Variants in ITGA1 observed in about 807,000 individuals in gnomAD.
The protein encoded by ITGA1 is integrin subunit alpha 1.
A neutral mutation model predicts 145.9 loss-of-function variants in ITGA1; 85 were observed. That is an observed-to-expected ratio of 0.58 (90% confidence interval 0.49 to 0.70). The LOEUF (loss-of-function observed/expected upper bound fraction) is 0.70. Among genes scored for constraint, ITGA1 ranks in the 30% least tolerant of loss-of-function variants. The pLI is 0.00. For missense variants in ITGA1, 1,351 were observed against 1,418.7 expected, an observed-to-expected ratio of 0.95 and a Z score of 0.77; for synonymous variants, 520 against 495.3, an observed-to-expected ratio of 1.05 and a Z score of -0.66.
chr5:52,789,771 T>G (rs1350040835), intron 1 of ITGA1, among the ~76,000 whole-genome samples: 1 of 152,248 alleles, frequency 6.6e-6, no homozygotes, highest in African/African-American at 2.4e-5. Flanking sequence ...CTGAATACAG[T>G]AGTTTACTAT....
At chr5:52,899,308 G>C (rs997272777) in intron 11 of ITGA1, among the ~76,000 whole-genome samples, 1 of 152,152 alleles carries the variant, frequency 6.6e-6, no homozygotes, top group Non-Finnish European at 1.5e-5. Flanking sequence ...CAGGAAGGTG[G>C]CAGGTCTTTA....
chr5:52,905,929 T>C, intron 12 of ITGA1, 21 bp downstream of exon 12: 1 of 1,597,612 alleles, frequency 6.3e-7, no homozygotes, highest in Non-Finnish European at 8.6e-7. Context: ...AAAATATTCT[T>C]TTATTTAAAT....
At position 52,861,429 on chromosome 5, in the gene ITGA1, G is replaced by C; in HGVS notation, c.183-18G>C. 2.7e-6 allele frequency: 4 copies of C among 1,490,502 alleles called. No individual in the cohort carries two copies. The highest frequency in any genetic ancestry group is 3.7e-6 in the Non-Finnish European group (4 of 1,072,448). The allele number at this position is 1,490,502 out of a possible 1,614,324, so 92.3% of individuals were successfully genotyped here. ...TTCTCAATGTTCAAAAATGTTTACT[G>C]ATTTATTTAACTTCCAGGGTGCTTA... On this transcript the variant is annotated intron_variant, in intron 2 of 28. Coordinates refer to ENST00000282588, the MANE Select transcript of ITGA1 (RefSeq NM_181501.2).
intron 8 of ITGA1, among the ~76,000 whole-genome samples, chr5:52,890,532 G>A (rs1379409026): frequency 6.6e-6 from 1 of 152,162 alleles, no homozygotes; most frequent in Non-Finnish European, 1.5e-5. Context: ...TCAAGATATA[G>A]AGCAATTTCA....
chr5:52,894,571 C>A (rs1053036924), intron 9 of ITGA1, among the ~76,000 whole-genome samples: 1 of 152,120 alleles, frequency 6.6e-6, no homozygotes, highest in Non-Finnish European at 1.5e-5. Context: ...GGCAAAGCTT[C>A]TTTCTTCACA....
At chr5:52,942,915 CT>C (rs1751076421) in intron 26 of ITGA1, among the ~76,000 whole-genome samples, 1 of 152,044 alleles carries the variant, frequency 6.6e-6, no homozygotes, top group South Asian at 2.1e-4. Flanking sequence ...TTTTGTACCC[CT>C]ATTTTATATT....
Position 52,881,096 on chromosome 5 carries a change from A to G in ITGA1, c.625-777A>G, listed in dbSNP as rs530521328. ...AATGAAAGGAGGAAGGCAGTAGGAA[A>G]GGAAGACAAAACAAGGAAAGAAGGT... On this transcript the variant is annotated intron_variant, in intron 6 of 28. Coordinates refer to ENST00000282588, the MANE Select transcript of ITGA1 (RefSeq NM_181501.2). Among the ~76,000 whole-genome samples, 413 of 152,324 alleles carry G rather than the reference A, an allele frequency of 2.7e-3. 1 individual carries two copies. The highest frequency in any genetic ancestry group is 9.2e-3 in the African/African-American group (382 of 41,570).
intron 6 of ITGA1, among the ~76,000 whole-genome samples, chr5:52,871,777 G>A (rs1386962973): frequency 6.6e-6 from 1 of 152,108 alleles, no homozygotes; most frequent in East Asian, 1.9e-4. Context: ...GCCCAATTAA[G>A]ACTTTTGCAA....
chr5:52,831,289 C>T (rs930053153), intron 1 of ITGA1, among the ~76,000 whole-genome samples: 2 of 152,008 alleles, frequency 1.3e-5, no homozygotes, highest in African/African-American at 4.8e-5. Flanking sequence ...TGCACCACCA[C>T]ACCTCGGCTA....
At chr5:52,814,740 G>T (rs577977140) in intron 1 of ITGA1, among the ~76,000 whole-genome samples, 3 of 151,798 alleles carry the variant, frequency 2.0e-5, no homozygotes, top group East Asian at 1.9e-4. Flanking sequence ...AAAAAAAAAG[G>T]GGGGGAAAGA....
rs759141937 is a variant in ITGA1, at chr5:52,849,361, A to G, written c.62-4A>G. The G allele has an allele frequency of 3.8e-6, 6 of 1,594,798 alleles. No individual in the cohort carries two copies. In the East Asian group the frequency reaches 1.3e-4, roughly 36 times the overall value. ...TGTAACTGGATTTTGTTTTTCTCCT[A>G]AAGTTGTTCTACGCTGCTGCGTATC... On this transcript the variant is annotated splice_polypyrimidine_tract_variant and splice_region_variant and intron_variant, in intron 1 of 28. Transcript: ENST00000282588.
Position 52,920,387 on chromosome 5 carries a change from C to T in ITGA1, c.2211C>T (p.Phe737=), listed in dbSNP as rs78974803. 1.9e-3 allele frequency: 3,107 copies of T among 1,612,062 alleles called. 89 individuals carry two copies. In the East Asian group the frequency reaches 0.059, roughly 30 times the overall value. Residue 737 remains phenylalanine, a synonymous_variant, in exon 17 of 29, where the codon TTC becomes TTT. Transcript: ENST00000282588. ...TAAGACAAATATCACGAAGTTTTTT[C>T]TCTGGAACTCAAGAGAGAAAGGTTC... ...DSLRQISRSF[F]SGTQERKVQR...
chr5:52,850,962 A>T (rs1455416242), intron 2 of ITGA1, among the ~76,000 whole-genome samples: 1 of 152,230 alleles, frequency 6.6e-6, no homozygotes. Context: ...CTTTGTGCGT[A>T]AGCTATAATA....
chr5:52,885,086 G>T (rs1313639468), intron 7 of ITGA1, among the ~76,000 whole-genome samples: 1 of 152,120 alleles, frequency 6.6e-6, no homozygotes, highest in East Asian at 1.9e-4. Flanking sequence ...TACAACTCAG[G>T]AACAGCAAGA....
intron 7 of ITGA1, among the ~76,000 whole-genome samples, chr5:52,886,384 C>A (rs1313744608): frequency 1.3e-5 from 2 of 152,152 alleles, no homozygotes; most frequent in African/African-American, 4.8e-5. Context: ...TTAAAGATAT[C>A]AGTTATGGTA....
chr5:52,893,801 A>G lies in ITGA1; in HGVS notation c.1051A>G (p.Ile351Val). 3 of 1,612,642 alleles carry G rather than the reference A, an allele frequency of 1.9e-6. No individual in the cohort carries two copies. Among genetic ancestry groups the G allele is most frequent in the South Asian group, 1.1e-5 (1 of 90,962 alleles). ...CTCTGATGAATTGGCTCTAGTCACCATTGTTAAAACTCTGGGAGAAAGAAT... is the reference window on the plus strand; with the variant it reads ...CTCTGATGAATTGGCTCTAGTCACCGTTGTTAAAACTCTGGGAGAAAGAAT... ...NVSDELALVT[I>V]VKTLGERIFA... The change falls in exon 9 of 29, where the codon ATT becomes GTT. Residue 351 changes from isoleucine to valine, a missense_variant. Physicochemically the swap from Ile to Val is conservative, Grantham distance 29. Transcript: ENST00000282588.
intron 12 of ITGA1, 89 bp from the exon 13 acceptor site, chr5:52,908,809 G>C: frequency 7.0e-7 from 1 of 1,435,198 alleles, no homozygotes; most frequent in Non-Finnish European, 9.6e-7. Context: ...TCCTCTTCTA[G>C]ATTGCTAGAA....
intron 1 of ITGA1, among the ~76,000 whole-genome samples, chr5:52,789,726 T>A (rs1388673275): frequency 3.3e-5 from 5 of 152,210 alleles, no homozygotes; most frequent in Non-Finnish European, 7.3e-5. Flanking sequence ...AACTCAAATT[T>A]TTTTAGATTG....
chr5:52,832,765 CTGTGTGTGTGTGTGTGTGTG>C (rs33977926), intron 1 of ITGA1, among the ~76,000 whole-genome samples: 26 of 86,776 alleles, frequency 3.0e-4, no homozygotes, highest in East Asian at 3.0e-4. Context: ...ATATATAAAT[CTGTGTGTGTGTGTGTGTGTG>C]TGTGTGTGTG....
Sources: allele counts gnomAD v4.1 joint callset (sites outside exome capture counted in the v4.1 genomes callset), GRCh38; gene constraint gnomAD v4.1.1; transcripts MANE v1.5; gene names NCBI Gene and HGNC (gene_info 2026-07-23, HGNC 2026-07-21).